Variants in PALM2AKAP2 observed in about 807,000 individuals in gnomAD.
PALM2AKAP2 encodes the protein PALM2 and AKAP2 fusion, also known as PALM2-AKAP2 fusion protein.
A neutral mutation model predicts 71.5 loss-of-function variants in PALM2AKAP2; 37 were observed. The observed-to-expected ratio is 0.52, with a 90% confidence interval of 0.40 to 0.68. The LOEUF is 0.68. Among genes scored for constraint, PALM2AKAP2 ranks in the 30% least tolerant of loss-of-function variants. The pLI is 0.00. For missense variants in PALM2AKAP2, 1,224 were observed against 1,191.8 expected (o/e 1.03, Z -0.40); for synonymous variants, 468 against 478.8 (o/e 0.98, Z 0.29).
At position 109,663,326 on chromosome 9, in the gene PALM2AKAP2, TG is replaced by T. The variant is rs576387553; in HGVS notation, c.5+22461del. Among the ~76,000 whole-genome samples, 276 of 152,350 alleles carry T rather than the reference TG, an allele frequency of 1.8e-3. 1 individual carries two copies. Among genetic ancestry groups the T allele is most frequent in the African/African-American group, 6.4e-3 (268 of 41,588 alleles). On this transcript the variant is annotated intron_variant, in intron 1 of 6. Coordinates refer to the PALM2AKAP2 transcript ENST00000374531. ...CCTGCTTTCTCTTGTGGGCATTTAG[TG>T]CTATAAATTTCCCTCTACACACTGC...
intron 1 of PALM2AKAP2, among the ~76,000 whole-genome samples, chr9:110,114,327 C>G (rs796685335): frequency 1.1e-4 from 17 of 152,302 alleles, no homozygotes; most frequent in African/African-American, 3.9e-4. Context: ...CCCTCTCTTT[C>G]CCTTATAAAG....
At chr9:110,104,100 C>T (rs1835060560) in intron 1 of PALM2AKAP2, among the ~76,000 whole-genome samples, 1 of 147,004 alleles carries the variant, frequency 6.8e-6, no homozygotes, top group Admixed American at 7.1e-5. Context: ...GTTTGTTTGT[C>T]ACTTGGCCAC....
intron 1 of PALM2AKAP2, among the ~76,000 whole-genome samples, chr9:109,713,765 A>T (rs1828275995): frequency 6.6e-6 from 1 of 152,220 alleles, no homozygotes; most frequent in Admixed American, 6.5e-5. Context: ...GGAGGAAGGG[A>T]TGAATAGGCA....
At chr9:109,897,948 A>G (rs17806001) in intron 3 of PALM2AKAP2, among the ~76,000 whole-genome samples, 10,855 of 152,206 alleles carry the variant, frequency 0.071, 681 homozygotes, top group East Asian at 0.27. Context: ...TACTGTTTGG[A>G]TTAAATTTTT....
At chr9:109,829,695 G>A (rs565657723) in intron 1 of PALM2AKAP2, among the ~76,000 whole-genome samples, 1 of 151,746 alleles carries the variant, frequency 6.6e-6, no homozygotes, top group African/African-American at 2.4e-5. Context: ...CCTGGCCAGA[G>A]CGTCATTTGA....
chr9:109,859,747 C>T (rs1301133620), intron 1 of PALM2AKAP2, among the ~76,000 whole-genome samples: 1 of 152,324 alleles, frequency 6.6e-6, no homozygotes, highest in South Asian at 2.1e-4. Flanking sequence ...TCCACTTCAC[C>T]TGGTGATGTT....
rs146799126 is a variant in PALM2AKAP2 at position 110,000,381 on chromosome 9, G to C, written c.497-15573G>C. Among the ~76,000 whole-genome samples the C allele has an allele frequency of 4.3e-3, 651 of 152,150 alleles. 3 individuals carry two copies. Among genetic ancestry groups the C allele is most frequent in the Middle Eastern group, 0.02 (6 of 294 alleles). On this transcript the variant is annotated intron_variant, in intron 6 of 9. Coordinates refer to the PALM2AKAP2 transcript ENST00000302798. ...GGCTGTATAGTATTCCATGGTGTAT[G>C]TGTGCCACATTTTCTTAATCCAGTC...
intron 1 of PALM2AKAP2, chr9:109,863,049 G>T: frequency 2.2e-6 from 1 of 448,162 alleles, no homozygotes; most frequent in South Asian, 1.6e-5. Flanking sequence ...TTGGTTTTAG[G>T]CAAGGGTCGG....
chr9:109,695,832 A>G (rs1421571565), intron 1 of PALM2AKAP2, among the ~76,000 whole-genome samples: 4 of 152,118 alleles, frequency 2.6e-5, no homozygotes, highest in African/African-American at 9.7e-5. Context: ...CGTAGATCTC[A>G]TGGAGGTAGA....
intron 6 of PALM2AKAP2, among the ~76,000 whole-genome samples, chr9:109,999,967 A>G (rs1365311301): frequency 6.7e-6 from 1 of 149,836 alleles, no homozygotes; most frequent in African/African-American, 2.5e-5. Flanking sequence ...AAAGACTGAA[A>G]TTTTTGTATT....
chr9:110,080,786 C>A (rs186601678), intron 1 of PALM2AKAP2, among the ~76,000 whole-genome samples: 2 of 152,290 alleles, frequency 1.3e-5, no homozygotes, highest in Admixed American at 6.5e-5. Flanking sequence ...TCAAGCGATT[C>A]TCCTGCCTCA....
intron 1 of PALM2AKAP2, among the ~76,000 whole-genome samples, chr9:109,808,870 A>G (rs1309274326): frequency 6.6e-6 from 1 of 152,200 alleles, no homozygotes; most frequent in African/African-American, 2.4e-5. Flanking sequence ...CCATGGCTAA[A>G]AGAGGCCAAT....
chr9:109,750,379 A>G (rs1828867940), intron 1 of PALM2AKAP2, among the ~76,000 whole-genome samples: 1 of 152,202 alleles, frequency 6.6e-6, no homozygotes, highest in Non-Finnish European at 1.5e-5. Flanking sequence ...GATAAAATAT[A>G]TACAATTGCA....
At chr9:110,116,357 T>C (rs1835360478) in intron 1 of PALM2AKAP2, among the ~76,000 whole-genome samples, 1 of 151,570 alleles carries the variant, frequency 6.6e-6, no homozygotes. Flanking sequence ...AATGAGCCCG[T>C]GTGTGCGTGT....
intron 1 of PALM2AKAP2, among the ~76,000 whole-genome samples, chr9:109,725,234 T>C (rs995826836): frequency 6.6e-6 from 1 of 152,084 alleles, no homozygotes; most frequent in African/African-American, 2.4e-5. Flanking sequence ...AAAGGAAAAA[T>C]CAATAATATT....
chr9:110,122,253 C>A (rs1835505198), intron 1 of PALM2AKAP2, among the ~76,000 whole-genome samples: 1 of 152,192 alleles, frequency 6.6e-6, no homozygotes, highest in Admixed American at 6.5e-5. Context: ...GTCTCAAACT[C>A]CTGGACCCAA....
intron 3 of PALM2AKAP2, among the ~76,000 whole-genome samples, chr9:109,905,536 C>T (rs149402087): frequency 1.2e-3 from 186 of 152,232 alleles, no homozygotes; most frequent in African/African-American, 4.2e-3. Context: ...TGCAGGGTGG[C>T]GATCTACCCG....
chr9:109,834,514 T>C (rs1450984170), intron 1 of PALM2AKAP2, among the ~76,000 whole-genome samples: 1 of 152,006 alleles, frequency 6.6e-6, no homozygotes, highest in African/African-American at 2.4e-5. Context: ...TTGTGTGGAG[T>C]CTGAGGCTGA....
intron 1 of PALM2AKAP2, among the ~76,000 whole-genome samples, chr9:109,840,093 C>A (rs1325156682): frequency 6.6e-6 from 1 of 152,218 alleles, no homozygotes. Context: ...GTGGAGGCAT[C>A]ACGCTACCTG....
Sources: gnomAD v4.1 joint callset for allele counts (sites outside exome capture counted in the v4.1 genomes callset) on GRCh38, gnomAD v4.1.1 for gene constraint, MANE v1.5 for transcripts, NCBI Gene and HGNC (gene_info 2026-07-23, HGNC 2026-07-21) for gene names.